Variants in CDH4 observed in about 807,000 individuals in gnomAD.
CDH4 encodes the protein cadherin 4.
In CDH4, 33 loss-of-function variants were observed where a neutral mutation model predicts 86.0. The observed-to-expected ratio is 0.38, with a 90% CI of 0.29 to 0.51. CDH4 has a LOEUF of 0.51. Ranked by LOEUF, CDH4 falls within the 20% of genes least tolerant of loss-of-function variation. The probability of loss-of-function intolerance (pLI) is 0.86; values close to 1 mark genes in which losing one functional copy is unlikely to be tolerated. For synonymous variants in CDH4, 555 were observed against 549.4 expected, an observed-to-expected ratio of 1.01 and a Z score of -0.14; for missense variants, 1,114 against 1,307.4, an observed-to-expected ratio of 0.85 and a Z score of 2.28.
At chr20:61,361,931 C>T (rs1203141798) in intron 2 of CDH4, among the ~76,000 whole-genome samples, 1 of 152,214 alleles carries the variant, frequency 6.6e-6, no homozygotes, top group East Asian at 1.9e-4. Context: ...CCCAGGGGAT[C>T]CTGTGCACAG....
intron 2 of CDH4, among the ~76,000 whole-genome samples, chr20:61,456,680 C>T (rs1209838244): frequency 6.6e-6 from 1 of 152,222 alleles, no homozygotes; most frequent in Non-Finnish European, 1.5e-5. Context: ...GTAGAAAGAT[C>T]TTGTGCACCT....
chr20:61,537,635 G>A (rs891003718), intron 2 of CDH4, among the ~76,000 whole-genome samples: 2 of 152,190 alleles, frequency 1.3e-5, no homozygotes, highest in African/African-American at 2.4e-5. Flanking sequence ...CGGGCTTCGC[G>A]GACAGGCACG....
At chr20:61,723,072 T>C (rs2145915166) in intron 2 of CDH4, among the ~76,000 whole-genome samples, 1 of 152,304 alleles carries the variant, frequency 6.6e-6, no homozygotes, top group South Asian at 2.1e-4. Context: ...TGATTTTCCT[T>C]CTGCACAAGG....
At chr20:61,725,297 G>A (rs1479226253) in intron 2 of CDH4, among the ~76,000 whole-genome samples, 5 of 152,124 alleles carry the variant, frequency 3.3e-5, no homozygotes, top group Admixed American at 1.3e-4. Context: ...ACACCTCCCC[G>A]AGCTGGTCAT....
chr20:61,627,878 C>G (rs986239406), intron 2 of CDH4, among the ~76,000 whole-genome samples: 1 of 152,054 alleles, frequency 6.6e-6, no homozygotes, highest in Admixed American at 6.5e-5. Context: ...GTGTCGGTGT[C>G]CCCCAGCGAG....
At chr20:61,416,543 G>A (rs1192354525) in intron 2 of CDH4, among the ~76,000 whole-genome samples, 1 of 152,220 alleles carries the variant, frequency 6.6e-6, no homozygotes, top group Non-Finnish European at 1.5e-5. Flanking sequence ...TCGTGAACGA[G>A]TTTGTTTAAC....
intron 2 of CDH4, among the ~76,000 whole-genome samples, chr20:61,427,479 C>T (rs935170722): frequency 6.8e-6 from 1 of 147,994 alleles, no homozygotes; most frequent in Non-Finnish European, 1.5e-5. Context: ...TTCATCAAAA[C>T]TGTTTCCCAA....
intron 2 of CDH4, among the ~76,000 whole-genome samples, chr20:61,476,131 A>G (rs1195949638): frequency 6.6e-6 from 1 of 152,250 alleles, no homozygotes; most frequent in East Asian, 1.9e-4. Context: ...CTGTTGGAAT[A>G]CTAATCAGAT....
At chr20:61,409,720 G>A (rs772851397) in intron 2 of CDH4, among the ~76,000 whole-genome samples, 1 of 152,230 alleles carries the variant, frequency 6.6e-6, no homozygotes, top group Non-Finnish European at 1.5e-5. Flanking sequence ...GCACTTTCCT[G>A]CGGCCCTGGA....
intron 2 of CDH4, among the ~76,000 whole-genome samples, chr20:61,571,424 G>A (rs777871205): frequency 6.6e-6 from 1 of 152,198 alleles, no homozygotes; most frequent in Non-Finnish European, 1.5e-5. Flanking sequence ...TGGGCTGTAG[G>A]TTTCCAGGCG....
At chr20:61,262,117 CGTT>C (rs962780585) in intron 2 of CDH4, among the ~76,000 whole-genome samples, 39 of 152,200 alleles carry the variant, frequency 2.6e-4, no homozygotes, top group Non-Finnish European at 1.5e-5. Flanking sequence ...TCAACACTCA[CGTT>C]GTGACATGGG....
intron 2 of CDH4, among the ~76,000 whole-genome samples, chr20:61,454,149 G>A (rs541829632): frequency 3.3e-5 from 5 of 152,164 alleles, no homozygotes; most frequent in African/African-American, 7.2e-5. Flanking sequence ...ATGAAATTCC[G>A]CAGCATGAGT....
At chr20:61,642,278 G>A (rs117870820) in intron 2 of CDH4, among the ~76,000 whole-genome samples, 5,863 of 152,270 alleles carry the variant, frequency 0.039, 187 homozygotes, top group Middle Eastern at 0.082. Context: ...TGAGGCCCAC[G>A]GAAGTCCTAG....
At chr20:61,445,048 T>C (rs2085340811) in intron 2 of CDH4, among the ~76,000 whole-genome samples, 1 of 152,178 alleles carries the variant, frequency 6.6e-6, no homozygotes, top group Non-Finnish European at 1.5e-5. Context: ...CGTGCACGCA[T>C]GTGTTGATGG....
intron 8 of CDH4, among the ~76,000 whole-genome samples, chr20:61,904,065 C>T (rs1041215046): frequency 9.9e-5 from 15 of 152,230 alleles, no homozygotes; most frequent in Non-Finnish European, 1.6e-4. Context: ...TCCCCCAAGC[C>T]GGCGTCCTGT....
At chr20:61,655,941 C>T (rs2087182502) in intron 2 of CDH4, among the ~76,000 whole-genome samples, 1 of 152,222 alleles carries the variant, frequency 6.6e-6, no homozygotes, top group Non-Finnish European at 1.5e-5. Flanking sequence ...TGAACATCAC[C>T]TTGTTGTAAG....
chr20:61,653,372 A>G (rs924569494), intron 2 of CDH4, among the ~76,000 whole-genome samples: 2 of 137,980 alleles, frequency 1.4e-5, no homozygotes, highest in African/African-American at 2.6e-5. Flanking sequence ...CGATTTCTCA[A>G]TCTTTTCCCC....
intron 7 of CDH4, among the ~76,000 whole-genome samples, chr20:61,882,905 C>T (rs1984350670): frequency 6.6e-6 from 1 of 151,888 alleles, no homozygotes; most frequent in Non-Finnish European, 1.5e-5. Flanking sequence ...CCACTGTCTC[C>T]CCCACACCCG....
chr20:61,686,731 G>A (rs766802232), intron 2 of CDH4, among the ~76,000 whole-genome samples: 7 of 151,346 alleles, frequency 4.6e-5, no homozygotes, highest in Non-Finnish European at 8.8e-5. Flanking sequence ...GTGTGCCTTC[G>A]TGCGTGTGTG....
Sources: gnomAD v4.1 joint callset for allele counts (sites outside exome capture counted in the v4.1 genomes callset) on GRCh38, gnomAD v4.1.1 for gene constraint, MANE v1.5 for transcripts, NCBI Gene and HGNC (gene_info 2026-07-23, HGNC 2026-07-21) for gene names.